Variants in SLC41A2 observed in about 807,000 individuals in gnomAD.
SLC41A2 encodes the protein solute carrier family 41 member 2, also known as SLC41A1-like 1.
A neutral mutation model predicts 58.3 loss-of-function variants in SLC41A2; 32 were observed. The ratio of observed to expected loss-of-function variants is 0.55; its 90% CI spans 0.41 to 0.74. The LOEUF (loss-of-function observed/expected upper bound fraction) is 0.74, where lower values mean the gene tolerates loss of function less well. SLC41A2 is among the 30% of genes least tolerant of loss of function. SLC41A2 has a pLI of 0.00. For synonymous variants in SLC41A2, 190 were observed against 235.0 expected (o/e 0.81, Z 1.75); for missense variants, 514 against 680.6 (o/e 0.76, Z 2.72).
Position 104,928,509 on chromosome 12 carries a change from T to G in SLC41A2, c.19A>C (p.Arg7=). Residue 7 remains arginine, a synonymous_variant, in exon 2 of 11, where the codon AGA becomes CGA. Coordinates refer to ENST00000258538, the MANE Select transcript of SLC41A2 (RefSeq NM_001352171.3). ...CCACTTGTTTTATCGGTAATAGATC[T>G]TCCTTTACTATTAGTCATATTGTCA... MTNSKG[R]SITDKTSGGP... 6.6e-7 allele frequency: 1 copy of G among 1,512,562 alleles called. No homozygotes were observed. The allele number at this position is 1,512,562 out of a possible 1,614,324, so 93.7% of individuals were successfully genotyped here. A position where few individuals can be genotyped will look rare whatever the true frequency, so the allele number is the denominator to read the frequency against.
intron 10 of SLC41A2, among the ~76,000 whole-genome samples, chr12:104,839,260 C>A (rs1330405148): frequency 6.6e-6 from 1 of 152,066 alleles, no homozygotes; most frequent in East Asian, 1.9e-4. Context: ...AGAGAAGTCT[C>A]ATTTTTCTTT....
At chr12:104,952,358 C>T (rs1300792954) in intron 1 of SLC41A2, among the ~76,000 whole-genome samples, 1 of 151,950 alleles carries the variant, frequency 6.6e-6, no homozygotes, top group African/African-American at 2.4e-5. Flanking sequence ...GGTACTTAGG[C>T]GAACGAATCT....
At chr12:104,917,345 G>A (rs2135819564) in intron 2 of SLC41A2, among the ~76,000 whole-genome samples, 1 of 152,152 alleles carries the variant, frequency 6.6e-6, no homozygotes, top group Admixed American at 6.5e-5. Flanking sequence ...GAGAGGATGT[G>A]GAGAAATAGG....
chr12:104,808,887 C>T (rs2468090), intron 10 of SLC41A2, among the ~76,000 whole-genome samples: 113,401 of 152,056 alleles, frequency 0.75, 42,892 homozygotes, highest in African/African-American at 0.88. Context: ...GATGGTAGTT[C>T]ATATTTCTGT....
intron 6 of SLC41A2, among the ~76,000 whole-genome samples, chr12:104,871,947 T>C (rs1262876304): frequency 6.6e-6 from 1 of 152,054 alleles, no homozygotes; most frequent in East Asian, 1.9e-4. Context: ...GTCAATTAAG[T>C]GTTATAGGAA....
intron 6 of SLC41A2, among the ~76,000 whole-genome samples, chr12:104,878,353 T>A (rs372201610): frequency 1.3e-4 from 20 of 149,394 alleles, no homozygotes; most frequent in East Asian, 8.2e-4. Flanking sequence ...AGGGTACTTG[T>A]GCACAACGTG....
intron 1 of SLC41A2, among the ~76,000 whole-genome samples, chr12:104,949,693 C>T (rs970336731): frequency 6.6e-6 from 1 of 152,200 alleles, no homozygotes. Flanking sequence ...AAGCAATTCT[C>T]CTGCCTCAGC....
At chr12:104,913,471 C>T (rs962614388) in intron 2 of SLC41A2, among the ~76,000 whole-genome samples, 1 of 152,176 alleles carries the variant, frequency 6.6e-6, no homozygotes, top group Non-Finnish European at 1.5e-5. Context: ...TGGTAAGAGA[C>T]CAGTGATCAC....
At chr12:104,919,809 A>G (rs10861295) in intron 2 of SLC41A2, among the ~76,000 whole-genome samples, 68,781 of 151,954 alleles carry the variant, frequency 0.45, 16,105 homozygotes, top group Middle Eastern at 0.53. Flanking sequence ...TGTTCAGAGT[A>G]AACTGTTTCT....
chr12:104,946,764 T>C (rs974714769), intron 1 of SLC41A2, among the ~76,000 whole-genome samples: 3 of 152,214 alleles, frequency 2.0e-5, no homozygotes, highest in South Asian at 2.1e-4. Context: ...AGTGACTTAT[T>C]TGTCAAATCT....
intron 7 of SLC41A2, among the ~76,000 whole-genome samples, chr12:104,863,553 T>A (rs970143935): frequency 5.9e-5 from 9 of 152,196 alleles, no homozygotes; most frequent in African/African-American, 2.2e-4. Context: ...TCTTTAGTAG[T>A]TTCTTATGGC....
intron 2 of SLC41A2, among the ~76,000 whole-genome samples, chr12:104,921,778 C>T (rs2046608642): frequency 6.6e-6 from 1 of 152,138 alleles, no homozygotes; most frequent in South Asian, 2.1e-4. Context: ...AAGCCTAAAA[C>T]ACAAATCTAT....
chr12:104,920,315 A>G (rs2046532597), intron 2 of SLC41A2, among the ~76,000 whole-genome samples: 1 of 152,166 alleles, frequency 6.6e-6, no homozygotes, highest in African/African-American at 2.4e-5. Flanking sequence ...AATCTTATTT[A>G]TATCTACAAA....
chr12:104,869,769 C>A lies in SLC41A2; in HGVS notation c.1028-3190G>T, dbSNP rs533537620. ...TACAAATATATAAAAAGAGATGCTACAAACATTTCTCTTTTTTGGATATAC... is the reference window on the plus strand; with the variant it reads ...TACAAATATATAAAAAGAGATGCTAAAAACATTTCTCTTTTTTGGATATAC... On this transcript the variant is annotated intron_variant, in intron 6 of 10. Coordinates refer to ENST00000258538, the MANE Select transcript of SLC41A2 (RefSeq NM_001352171.3). Among the ~76,000 whole-genome samples, 44 of 152,206 alleles carry A rather than the reference C, an allele frequency of 2.9e-4. 1 individual carries two copies. In the South Asian group the frequency reaches 8.9e-3, roughly 31 times the overall value.
chr12:104,925,474 T>C (rs2252839), intron 2 of SLC41A2, among the ~76,000 whole-genome samples: 95,418 of 151,850 alleles, frequency 0.63, 30,703 homozygotes, highest in African/African-American at 0.77. Context: ...AGGAGAACGG[T>C]ATGAACCCGG....
intron 8 of SLC41A2, among the ~76,000 whole-genome samples, chr12:104,856,459 T>G (rs963231574): frequency 6.6e-6 from 1 of 151,968 alleles, no homozygotes; most frequent in African/African-American, 2.4e-5. Flanking sequence ...GTTGAAAAAA[T>G]ACAGACTACA....
intron 8 of SLC41A2, among the ~76,000 whole-genome samples, chr12:104,853,911 A>ATTTTTTTTTTTTTTTTTTTTTTT (rs1555202443): frequency 1.7e-5 from 1 of 59,494 alleles, no homozygotes; most frequent in African/African-American, 6.9e-5. Flanking sequence ...TGCCTGGCTG[A>ATTTTTTTTTTTTTTTTTTTTTTT]TTTTTTTTTT....
At chr12:104,874,385 G>A (rs928396964) in intron 6 of SLC41A2, among the ~76,000 whole-genome samples, 3 of 152,126 alleles carry the variant, frequency 2.0e-5, no homozygotes, top group East Asian at 3.9e-4. Flanking sequence ...AATGCTGCCC[G>A]ATTTTTTGAT....
At chr12:104,888,931 T>C (rs1206539606) in intron 5 of SLC41A2, 102 bp downstream of exon 5, 3 of 1,195,656 alleles carry the variant, frequency 2.5e-6, no homozygotes, top group Non-Finnish European at 3.4e-6. Context: ...GTTTTTTCTG[T>C]TGTTTTCATA....
Sources: allele counts gnomAD v4.1 joint callset (sites outside exome capture counted in the v4.1 genomes callset), GRCh38; gene constraint gnomAD v4.1.1; transcripts MANE v1.5; gene names NCBI Gene and HGNC (gene_info 2026-07-23, HGNC 2026-07-21).